ZNF710: variants seen among roughly 807,000 people sequenced by gnomAD.
ZNF710 encodes the protein zinc finger protein 710.
In ZNF710, 13 loss-of-function variants were observed where a neutral mutation model predicts 50.6. The ratio of observed to expected loss-of-function variants is 0.26; its 90% confidence interval spans 0.17 to 0.41. The LOEUF (loss-of-function observed/expected upper bound fraction) is 0.41. ZNF710 is among the 10% of genes least tolerant of loss of function. ZNF710 has a pLI of 1.00. For synonymous variants in ZNF710, 383 were observed against 397.0 expected (o/e 0.96, Z 0.42); for missense variants, 721 against 936.6 (o/e 0.77, Z 3.01).
intron 1 of ZNF710, chr15:90,025,226 A>G (rs1223522379): frequency 6.6e-6 from 1 of 152,060 alleles, no homozygotes; most frequent in Non-Finnish European, 1.5e-5. Flanking sequence ...GTCTGCAGGC[A>G]TCAACACTCT....
At chr15:90,046,268 C>T (rs904015656) in intron 1 of ZNF710, among the ~76,000 whole-genome samples, 1 of 152,216 alleles carries the variant, frequency 6.6e-6, no homozygotes, top group Non-Finnish European at 1.5e-5. Flanking sequence ...CCTGCGTACC[C>T]AGCTCAGTGC....
At chr15:90,001,251 G>C (rs1358340115), upstream of ZNF710, 1 of 152,302 alleles carries the variant, frequency 6.6e-6, no homozygotes, top group African/African-American at 2.4e-5. Flanking sequence ...GCTGACAAGA[G>C]GGAGGTGTTG....
In ZNF710 at chr15:90,079,882, A is replaced by G. The variant is rs969929296; in HGVS notation, c.*53A>G. The G allele has an allele frequency of 6.7e-7, 1 of 1,494,444 alleles. No homozygotes were observed. Among genetic ancestry groups the G allele is most frequent in the Non-Finnish European group, 8.9e-7 (1 of 1,117,484 alleles). 92.6% of individuals were successfully genotyped at this position (1,494,444 alleles called of 1,614,324 possible). A position where few individuals can be genotyped will look rare whatever the true frequency, so the allele number is the denominator to read the frequency against. On this transcript the variant is annotated 3_prime_UTR_variant, in exon 5 of 5. Transcript: ENST00000268154. ...CCGGGGGCGAGGGCATGGGGGTGAG[A>G]CCCATGGGCTGCAGGCTGCACCTCC...
chr15:90,048,961 C>T (rs1270717241), intron 1 of ZNF710, among the ~76,000 whole-genome samples: 2 of 152,226 alleles, frequency 1.3e-5, no homozygotes, highest in East Asian at 3.9e-4. Context: ...CCCAGCATCT[C>T]TGTCCTTCCT....
At chr15:90,041,400 A>G (rs1490615618) in intron 1 of ZNF710, among the ~76,000 whole-genome samples, 1 of 152,148 alleles carries the variant, frequency 6.6e-6, no homozygotes, top group Non-Finnish European at 1.5e-5. Flanking sequence ...TATATTGCTT[A>G]GGCTGGTGTC....
chr15:90,014,739 C>T (rs1238213959), intron 1 of ZNF710, among the ~76,000 whole-genome samples: 1 of 152,068 alleles, frequency 6.6e-6, no homozygotes. Flanking sequence ...TAAAGAATTT[C>T]TTCTTGGCAG....
chr15:89,998,662 C>G (rs1049238978), upstream of ZNF710, among the ~76,000 whole-genome samples: 2 of 152,156 alleles, frequency 1.3e-5, no homozygotes, highest in Non-Finnish European at 2.9e-5. Context: ...ATAAAAGCTA[C>G]CGGGGATTGG....
chr15:90,054,161 T>C (rs559769445), intron 1 of ZNF710, among the ~76,000 whole-genome samples: 1 of 151,558 alleles, frequency 6.6e-6, no homozygotes, highest in East Asian at 1.9e-4. Flanking sequence ...CAGAGGGGGA[T>C]TTGGACTGTA....
chr15:90,010,078 C>T (rs1367725395), intron 1 of ZNF710, among the ~76,000 whole-genome samples: 2 of 152,146 alleles, frequency 1.3e-5, no homozygotes, highest in East Asian at 3.9e-4. Flanking sequence ...TGTTGCTATG[C>T]TTTGGTGCCT....
intron 1 of ZNF710, chr15:90,025,962 A>G (rs2151479429): frequency 6.6e-6 from 1 of 152,336 alleles, no homozygotes; most frequent in South Asian, 2.1e-4. Flanking sequence ...CACTATTCTC[A>G]TAGCCTTAAA....
intron 1 of ZNF710, among the ~76,000 whole-genome samples, chr15:90,039,529 A>G (rs1899236009): frequency 6.6e-6 from 1 of 152,146 alleles, no homozygotes; most frequent in Non-Finnish European, 1.5e-5. Flanking sequence ...CCTGGATCCA[A>G]TACGTGCTTG....
Position 90,079,761 on chromosome 15 carries a change from A to G in ZNF710, c.1927A>G (p.Ser643Gly). 1 of 1,613,400 alleles carries G rather than the reference A, an allele frequency of 6.2e-7. No individual in the cohort carries two copies. Among genetic ancestry groups the G allele is most frequent in the South Asian group, 1.1e-5 (1 of 90,998 alleles). The change falls in exon 5 of 5, where the codon AGC becomes GGC. Residue 643 changes from serine to glycine, a missense_variant. Physicochemically the swap from Ser to Gly is moderately conservative, Grantham distance 56. Around this residue, in one of 3 missense-constraint regions of ZNF710, gnomAD observed 69 missense variants for 67.6 expected, o/e 1.02. Transcript: ENST00000268154. ...CGCCTACAGCTATGCGAGCGTGGAC[A>G]GCAGCGCCGAGGCCAGTGTCCTCAC... is the stretch of plus-strand genomic sequence containing the variant. ...ENAYSYASVD[S>G]SAEASVLTEQ...
intron 1 of ZNF710, among the ~76,000 whole-genome samples, chr15:90,060,183 A>G (rs1899964116): frequency 7.4e-6 from 1 of 135,924 alleles, no homozygotes; most frequent in South Asian, 2.3e-4. Flanking sequence ...TCAACTCCCC[A>G]AGGGTGAGAA....
chr15:90,009,152 G>A (rs868739145), intron 1 of ZNF710, among the ~76,000 whole-genome samples: 1 of 151,936 alleles, frequency 6.6e-6, no homozygotes, highest in Non-Finnish European at 1.5e-5. Flanking sequence ...ACCCCATCCC[G>A]TTCTCGGTGG....
intron 2 of ZNF710, among the ~76,000 whole-genome samples, chr15:90,071,677 C>CTTTTTTTTTTT (rs201729973): frequency 7.9e-6 from 1 of 127,260 alleles, no homozygotes; most frequent in African/African-American, 2.9e-5. Flanking sequence ...TTTATTTTTA[C>CTTTTTTTTTTT]TCTTTTTTTT....
chr15:90,021,125 G>C (rs1481277930), intron 1 of ZNF710, among the ~76,000 whole-genome samples: 1 of 152,106 alleles, frequency 6.6e-6, no homozygotes, highest in Non-Finnish European at 1.5e-5. Flanking sequence ...TTCTGACCTG[G>C]ACCCGCCTTA....
At chr15:90,066,426 A>T (rs944636482) in intron 1 of ZNF710, among the ~76,000 whole-genome samples, 3 of 151,908 alleles carry the variant, frequency 2.0e-5, no homozygotes, top group Non-Finnish European at 2.9e-5. Flanking sequence ...ATCAGTTTTT[A>T]AATAGTGGAA....
At chr15:90,072,888 CCCACATTCTTCGGTGGTTTTAAA>C (rs1900440500) in intron 2 of ZNF710, among the ~76,000 whole-genome samples, 160 bp from the exon 3 acceptor site, 2 of 152,260 alleles carry the variant, frequency 1.3e-5, no homozygotes, top group South Asian at 2.1e-4. Flanking sequence ...TGGCTCTGCC[CCCACATTCTTCGGTGGTTTTAAA>C]CAAGTGTTAC....
intron 1 of ZNF710, among the ~76,000 whole-genome samples, chr15:90,045,851 G>C (rs957380542): frequency 1.3e-5 from 2 of 152,148 alleles, no homozygotes; most frequent in African/African-American, 2.4e-5. Context: ...GAAGAGACGC[G>C]AGGTAGCAGG....
Sources: allele counts gnomAD v4.1 joint callset (sites outside exome capture counted in the v4.1 genomes callset), GRCh38; gene constraint gnomAD v4.1.1; regional missense constraint gnomAD v4.1.1; transcripts MANE v1.5; gene names NCBI Gene and HGNC (gene_info 2026-07-23, HGNC 2026-07-21).